Variants in CEP192 observed in about 807,000 individuals in gnomAD.
CEP192 encodes centrosomal protein of 192 kDa.
In CEP192, 151 loss-of-function variants were observed where a neutral mutation model predicts 271.8. The ratio of observed to expected loss-of-function variants is 0.56; its 90% CI spans 0.49 to 0.64. The LOEUF (loss-of-function observed/expected upper bound fraction) is 0.64, where lower values mean the gene tolerates loss of function less well. Among genes scored for constraint, CEP192 ranks in the 30% least tolerant of loss-of-function variants. CEP192 has a pLI of 0.00. For synonymous variants in CEP192, 995 were observed against 1,076.5 expected (o/e 0.92, Z 1.48); for missense variants, 2,910 against 3,020.5 (o/e 0.96, Z 0.86).
chr18:13,000,085 T>TTCTCTCTC (rs776024898), intron 2 of CEP192, among the ~76,000 whole-genome samples: 1 of 77,356 alleles, frequency 1.3e-5, no homozygotes, highest in African/African-American at 7.8e-5. Context: ...ACTCATTGTC[T>TTCTCTCTC]TCTCTCTTTT....
At chr18:12,992,274 A>G (rs2032911281) in intron 1 of CEP192, among the ~76,000 whole-genome samples, 1 of 152,238 alleles carries the variant, frequency 6.6e-6, no homozygotes, top group Non-Finnish European at 1.5e-5. Context: ...TTGAACAATA[A>G]TATACCAAAT....
Position 13,028,767 on chromosome 18 carries a change from G to A in CEP192, c.1051-896G>A, listed in dbSNP as rs144229874. 1.4e-4 allele frequency among the ~76,000 whole-genome samples: 22 copies of A among 152,256 alleles called. No individual in the cohort carries two copies. The East Asian group carries it at 3.5e-3, about 24-fold the overall frequency. The stretch of plus-strand genomic sequence containing the variant: ...ACCCCTGACCTCAGGTGATCCGTCC[G>A]CCTCGGCCTCCCAAAGTGCTGGGAT... On this transcript the variant is annotated intron_variant, in intron 9 of 44. Coordinates refer to ENST00000506447, the MANE Select transcript of CEP192 (RefSeq NM_032142.4).
At chr18:13,108,541 A>G (rs2145001554) in intron 40 of CEP192, among the ~76,000 whole-genome samples, 1 of 152,308 alleles carries the variant, frequency 6.6e-6, no homozygotes, top group Middle Eastern at 3.4e-3. Flanking sequence ...GCAGCCAACA[A>G]ACCTGAAAAA....
intron 40 of CEP192, among the ~76,000 whole-genome samples, chr18:13,107,472 T>G (rs2040008680): frequency 6.6e-6 from 1 of 152,240 alleles, no homozygotes; most frequent in East Asian, 1.9e-4. Flanking sequence ...GACAGTCTAC[T>G]GACTGTCTAA....
chr18:13,058,912 C>A, intron 20 of CEP192, 170 bp from the exon 21 acceptor site: 1 of 601,444 alleles, frequency 1.7e-6, no homozygotes, highest in African/African-American at 1.9e-5. Flanking sequence ...GCATTTGACT[C>A]GTTGTACTTC....
At chr18:13,077,635 T>C (rs2038360648) in intron 30 of CEP192, among the ~76,000 whole-genome samples, 1 of 152,228 alleles carries the variant, frequency 6.6e-6, no homozygotes, top group African/African-American at 2.4e-5. Flanking sequence ...AGCCTGACTC[T>C]AGTGTGCTGC....
chr18:13,120,953 A>G (rs1176670502), intron 44 of CEP192, among the ~76,000 whole-genome samples: 1 of 152,240 alleles, frequency 6.6e-6, no homozygotes, highest in Non-Finnish European at 1.5e-5. Context: ...CTCCTTTGTA[A>G]CAGAGAATGA....
At position 13,008,555 on chromosome 18, in the gene CEP192, G is replaced by A; in HGVS notation, c.390G>A (p.Glu130=). 1 of 1,551,642 alleles carries A rather than the reference G, an allele frequency of 6.4e-7. No individual in the cohort carries two copies. Among genetic ancestry groups the A allele is most frequent in the Non-Finnish European group, 8.7e-7 (1 of 1,146,926 alleles). The change falls in exon 4 of 45, where the codon GAG becomes GAA. Residue 130 remains glutamate (E), a synonymous_variant. Transcript: ENST00000506447. ...ALQMETAGPE[E]EPAGATESLQ... ...AAATGGAGACAGCAGGACCAGAAGA[G>A]GAGCCAGCCGGAGCTACAGAATCCT... is the stretch of plus-strand genomic sequence containing the variant.
At chr18:13,098,424 G>A (rs1396082725) in intron 36 of CEP192, among the ~76,000 whole-genome samples, 3 of 146,008 alleles carry the variant, frequency 2.1e-5, no homozygotes, top group Non-Finnish European at 4.6e-5. Flanking sequence ...CTTCTCAGAC[G>A]GGGCGGCTGC....
chr18:13,102,705 C>G (rs2039768993), intron 38 of CEP192, among the ~76,000 whole-genome samples: 1 of 152,204 alleles, frequency 6.6e-6, no homozygotes, highest in Admixed American at 6.5e-5. Flanking sequence ...GCCTCACCTG[C>G]TCCTGCTCGG....
chr18:13,115,544 T>G (rs1017162274), intron 42 of CEP192, among the ~76,000 whole-genome samples: 2 of 151,760 alleles, frequency 1.3e-5, no homozygotes, highest in Admixed American at 6.6e-5. Flanking sequence ...CCCCTAGCTG[T>G]GGTATGACTG....
chr18:13,014,897 A>T (rs971325667), intron 5 of CEP192, among the ~76,000 whole-genome samples: 31 of 152,306 alleles, frequency 2.0e-4, no homozygotes, highest in African/African-American at 7.5e-4. Context: ...CTTTAGGGTT[A>T]CATGTTCCCT....
chr18:13,058,229 G>A (rs982925421), intron 20 of CEP192: 3 of 152,294 alleles, frequency 2.0e-5, no homozygotes, highest in Non-Finnish European at 4.4e-5. Flanking sequence ...TAAGACAGAT[G>A]TCTCTTACAT....
At chr18:12,999,869 A>G (rs1390404022) in intron 2 of CEP192, among the ~76,000 whole-genome samples, 2 of 103,140 alleles carry the variant, frequency 1.9e-5, no homozygotes, top group Non-Finnish European at 2.1e-5. Context: ...TTGGATTTGT[A>G]TTAGTTCAGT....
chr18:13,082,842 G>T (rs2038694880), intron 30 of CEP192, among the ~76,000 whole-genome samples: 1 of 152,112 alleles, frequency 6.6e-6, no homozygotes, highest in South Asian at 2.1e-4. Flanking sequence ...CTCAGCGTTT[G>T]CTTGTCTGTA....
chr18:13,017,304 G>T lies in CEP192; in HGVS notation c.757G>T (p.Gly253Cys). ...AGAAGGACCAGAACCTCCAGAAAAA[G>T]GTTTTAAGTTACCTACAAATGGTCT... is the stretch of plus-strand genomic sequence containing the variant. ...DLEGPEPPEK[G>C]FKLPTNGLRQ... The change falls in exon 7 of 45, where the codon GGT (glycine) becomes TGT (cysteine). Residue 253 changes from glycine (G) to cysteine (C), a missense_variant. Gly to Cys is a radical substitution (Grantham distance 159). Coordinates refer to ENST00000506447, the MANE Select transcript of CEP192 (RefSeq NM_032142.4). 2 of 1,546,368 alleles carry T rather than the reference G, an allele frequency of 1.3e-6. No homozygotes were observed. Among genetic ancestry groups the T allele is most frequent in the Non-Finnish European group, 1.7e-6 (2 of 1,145,476 alleles).
intron 36 of CEP192, among the ~76,000 whole-genome samples, chr18:13,098,297 T>G (rs540938780): frequency 1.1e-3 from 165 of 148,560 alleles, no homozygotes; most frequent in African/African-American, 3.9e-3. Context: ...CCCTCCTGGA[T>G]GGGGCGGCTG....
chr18:13,011,615 C>T (rs922475032), intron 4 of CEP192, among the ~76,000 whole-genome samples: 18 of 152,232 alleles, frequency 1.2e-4, no homozygotes, highest in Middle Eastern at 3.4e-3. Flanking sequence ...CTCTTGAGAT[C>T]CAGTGATTCT....
At chr18:13,068,583 A>G (rs1169586965) in intron 24 of CEP192, among the ~76,000 whole-genome samples, 161 bp downstream of exon 24, 2 of 152,238 alleles carry the variant, frequency 1.3e-5, no homozygotes, top group Non-Finnish European at 2.9e-5. Flanking sequence ...TTTTGGGTCA[A>G]TCCTGTGTAA....
Sources: allele counts gnomAD v4.1 joint callset (sites outside exome capture counted in the v4.1 genomes callset), GRCh38; gene constraint gnomAD v4.1.1; transcripts MANE v1.5; gene names NCBI Gene and HGNC (gene_info 2026-07-23, HGNC 2026-07-21).